EDA: variants seen among roughly 807,000 people sequenced by gnomAD.
EDA encodes ectodysplasin A, also known as ectodysplasin-A.
EDA carries 2 observed loss-of-function variants against 23.6 expected under a neutral mutation model. The ratio of observed to expected loss-of-function variants is 0.08; its 90% CI spans 0.03 to 0.27. The LOEUF (loss-of-function observed/expected upper bound fraction) is 0.27, where lower values mean the gene tolerates loss of function less well. EDA is among the 10% of genes least tolerant of loss of function. The pLI is 1.00. For synonymous variants in EDA, 131 were observed against 132.0 expected (o/e 0.99, Z 0.05); for missense variants, 229 against 324.2 (o/e 0.71, Z 2.26).
In EDA at chrX:70,036,572, T is replaced by C. The variant is rs758071049; in HGVS notation, c.*963T>C. 7.1e-5 allele frequency: 8 copies of C among 112,924 alleles called. No individual in the cohort carries two copies. The highest frequency in any genetic ancestry group is 2.6e-4 in the African/African-American group (8 of 31,080). 9.3% of individuals were successfully genotyped at this position (112,924 alleles called of 1,213,427 possible). A position where few individuals can be genotyped will look rare whatever the true frequency, so the allele number is the denominator to read the frequency against. ...CATTTATTAAGCAGTACAAATGTTT[T>C]TCATCCATTCCTAATCAAATTCTGT... On this transcript the variant is annotated 3_prime_UTR_variant, in exon 8 of 8. Coordinates refer to ENST00000374552, the MANE Select transcript of EDA (RefSeq NM_001399.5).
At chrX:69,641,304 A>G (rs777237793) in intron 1 of EDA, among the ~76,000 whole-genome samples, 3 of 112,111 alleles carry the variant, frequency 2.7e-5, no homozygotes, top group African/African-American at 6.5e-5. Context: ...AAAACGCAAT[A>G]GCAATTATGC....
chrX:69,889,598 T>C (rs1474441113), intron 1 of EDA, among the ~76,000 whole-genome samples: 1 of 112,218 alleles, frequency 8.9e-6, no homozygotes, highest in Non-Finnish European at 1.9e-5. Flanking sequence ...TGGAGAAACA[T>C]CTACTCAAAT....
Position 69,616,134 on chromosome X carries a change from A to G in EDA, c.-175A>G. On this transcript the variant is annotated 5_prime_UTR_variant, in exon 1 of 8. Coordinates refer to ENST00000374552, the MANE Select transcript of EDA (RefSeq NM_001399.5). ...TCCTCCCTTTCCCACCCCTCGGAGT[A>G]GAGCTGCACATGCGGCTGCTCCCTG... The G allele has an allele frequency of 2.7e-6, 1 of 375,192 alleles. No homozygotes were observed. The highest frequency in any genetic ancestry group is 3.5e-5 in the South Asian group (1 of 28,603). The allele number at this position is 375,192 out of a possible 1,213,427, so 30.9% of individuals were successfully genotyped here. A position where few individuals can be genotyped will look rare whatever the true frequency, so the allele number is the denominator to read the frequency against.
At chrX:69,640,973 C>T (rs140432766) in intron 1 of EDA, among the ~76,000 whole-genome samples, 3 of 111,820 alleles carry the variant, frequency 2.7e-5, no homozygotes, top group African/African-American at 9.7e-5. Context: ...TTATAAGTAG[C>T]AGAACTGGGA....
chrX:69,853,446 A>G (rs765623520), intron 1 of EDA, among the ~76,000 whole-genome samples: 1 of 111,665 alleles, frequency 9.0e-6, no homozygotes, highest in Non-Finnish European at 1.9e-5. Context: ...GGAGTTCCAG[A>G]GAGATAAAAT....
intron 1 of EDA, among the ~76,000 whole-genome samples, chrX:69,734,004 G>T (rs2804365): frequency 0.3 from 33,066 of 109,409 alleles, 4,853 homozygotes; most frequent in Middle Eastern, 0.56. Flanking sequence ...AAAGTTTGTG[G>T]AAAATTGGTA....
intron 1 of EDA, among the ~76,000 whole-genome samples, chrX:69,674,406 C>G (rs1390501030): frequency 9.0e-6 from 1 of 111,339 alleles, no homozygotes; most frequent in Non-Finnish European, 1.9e-5. Flanking sequence ...TTCCCTTTTT[C>G]TTCAGACTTT....
Position 69,758,856 on chromosome X carries a change from GACA to G in EDA, c.396+142163_396+142165del, listed in dbSNP as rs765092251. Among the ~76,000 whole-genome samples, 5 of 111,680 alleles carry G rather than the reference GACA, an allele frequency of 4.5e-5. No individual in the cohort carries two copies. The Admixed American group carries it at 4.8e-4, about 11-fold the overall frequency. On this transcript the variant is annotated intron_variant, in intron 1 of 7. Coordinates refer to ENST00000374552, the MANE Select transcript of EDA (RefSeq NM_001399.5). ...TGTCTCAGAAAATAAAAATAAAAAA[GACA>G]ACAACAACAAAAAACCCAGATGGAG... is the stretch of plus-strand genomic sequence containing the variant.
At chrX:69,624,392 T>A (rs1932296261) in intron 1 of EDA, among the ~76,000 whole-genome samples, 1 of 111,780 alleles carries the variant, frequency 8.9e-6, no homozygotes, top group African/African-American at 3.2e-5. Context: ...TGAGGGTACG[T>A]TTCTATTGTC....
intron 2 of EDA, chrX:69,957,494 A>T: frequency 1.1e-5 from 2 of 178,515 alleles, no homozygotes; most frequent in South Asian, 2.1e-4. Flanking sequence ...AAAAAAAACA[A>T]AAAAAAAAAA....
rs1360419145 is a variant in EDA at position 69,678,990 on chromosome X, C to T, written c.396+62286C>T. Among the ~76,000 whole-genome samples the T allele has an allele frequency of 1.7e-4, 16 of 92,309 alleles. No individual in the cohort carries two copies. In the East Asian group the frequency reaches 3.5e-3, roughly 20 times the overall value. The allele number at this position is 92,309 out of a possible 115,157, so 80.2% of individuals were successfully genotyped here. Reference sequence around the variant, plus strand: ...AGATAGCTCTTATTATTTTGAAATACGTCCCATCAATACCTAATTTATTGA... The same window carrying T: ...AGATAGCTCTTATTATTTTGAAATATGTCCCATCAATACCTAATTTATTGA... On this transcript the variant is annotated intron_variant, in intron 1 of 7. Transcript: ENST00000374552.
intron 1 of EDA, among the ~76,000 whole-genome samples, chrX:69,666,125 G>A (rs1220914026): frequency 2.7e-5 from 3 of 111,879 alleles, no homozygotes; most frequent in African/African-American, 9.7e-5. Context: ...GTATAAAAAT[G>A]TTACTTTTTT....
chrX:69,918,126 G>A (rs1365841619), intron 1 of EDA, among the ~76,000 whole-genome samples: 1 of 106,310 alleles, frequency 9.4e-6, no homozygotes, highest in Non-Finnish European at 1.9e-5. Context: ...TCTGCTAAAG[G>A]AAGCTGAATA....
chrX:69,981,649 G>A (rs762889645), intron 2 of EDA, among the ~76,000 whole-genome samples: 15 of 112,032 alleles, frequency 1.3e-4, no homozygotes, highest in East Asian at 2.8e-4. Flanking sequence ...AGTCAGTCAC[G>A]TTCTCTAGAA....
chrX:69,715,891 G>A (rs1396111230), intron 1 of EDA, among the ~76,000 whole-genome samples: 1 of 111,190 alleles, frequency 9.0e-6, no homozygotes, highest in South Asian at 3.7e-4. Flanking sequence ...CTTTTGAAAA[G>A]TGTCTGTTCA....
At chrX:69,697,390 G>A (rs890296462) in intron 1 of EDA, among the ~76,000 whole-genome samples, 8 of 111,221 alleles carry the variant, frequency 7.2e-5, no homozygotes, top group Admixed American at 3.8e-4. Context: ...TATTCATTCC[G>A]TTAAGCTTTC....
At chrX:69,964,872 G>A (rs1230559966) in intron 2 of EDA, among the ~76,000 whole-genome samples, 1 of 111,664 alleles carries the variant, frequency 9.0e-6, no homozygotes, top group Non-Finnish European at 1.9e-5. Flanking sequence ...TCAAAGATAA[G>A]GAACTACTAC....
At chrX:69,703,853 A>G (rs763735925) in intron 1 of EDA, among the ~76,000 whole-genome samples, 1 of 111,998 alleles carries the variant, frequency 8.9e-6, no homozygotes, top group Non-Finnish European at 1.9e-5. Flanking sequence ...GACCACATCT[A>G]TATTACTTTT....
chrX:69,873,906 T>C (rs1390595290), intron 1 of EDA, among the ~76,000 whole-genome samples: 1 of 112,132 alleles, frequency 8.9e-6, no homozygotes, highest in Non-Finnish European at 1.9e-5. Context: ...ATATCCCTGA[T>C]AGATGCAAAA....
Sources: gnomAD v4.1 joint callset for allele counts (sites outside exome capture counted in the v4.1 genomes callset) on GRCh38, gnomAD v4.1.1 for gene constraint, MANE v1.5 for transcripts, NCBI Gene and HGNC (gene_info 2026-07-23, HGNC 2026-07-21) for gene names.